The following SH3BGRL variants were observed in gnomAD, a reference collection of about 807,000 sequenced individuals.
SH3BGRL encodes the protein SH3 domain binding glutamate rich protein like, also known as adapter SH3BGRL.
A neutral mutation model predicts 9.8 loss-of-function variants in SH3BGRL; 7 were observed. That is an observed-to-expected ratio of 0.72 (90% CI 0.41 to 1.35). The LOEUF is 1.35. SH3BGRL is among the 40% of genes most tolerant of loss of function. The pLI, the probability that SH3BGRL is intolerant of heterozygous loss-of-function variation, is 0.01. For synonymous variants in SH3BGRL, 36 were observed against 29.1 expected (o/e 1.24, Z -0.76); for missense variants, 73 against 84.4 (o/e 0.86, Z 0.53).
intron 1 of SH3BGRL, among the ~76,000 whole-genome samples, chrX:81,205,035 T>C (rs2075542183): frequency 8.9e-6 from 1 of 112,363 alleles, no homozygotes; most frequent in African/African-American, 3.2e-5. Flanking sequence ...AATTAGGATA[T>C]CCGTTACCGC....
rs2075880206 is a variant in SH3BGRL, at chrX:81,297,710, A to G, written c.*483A>G. On this transcript the variant is annotated 3_prime_UTR_variant, in exon 4 of 4. Transcript: ENST00000373212. ...AGTTCTTGCAGGTAATGTTTATGAT[A>G]TGTTAAACGTTGTAATTTCCTATCG... is the stretch of plus-strand genomic sequence containing the variant. 8.9e-6 allele frequency: 1 copy of G among 112,316 alleles called. No homozygotes were observed. The highest frequency in any genetic ancestry group is 3.6e-4 in the South Asian group (1 of 2,745). 9.3% of individuals were successfully genotyped at this position (112,316 alleles called of 1,213,427 possible). A position where few individuals can be genotyped will look rare whatever the true frequency, so the allele number is the denominator to read the frequency against.
chrX:81,245,522 C>T (rs781502968), intron 1 of SH3BGRL, among the ~76,000 whole-genome samples: 7 of 111,919 alleles, frequency 6.3e-5, no homozygotes, highest in African/African-American at 9.7e-5. Context: ...GGTAACTGTG[C>T]GAGTAGAAAA....
At chrX:81,221,445 T>A (rs1156693397) in intron 1 of SH3BGRL, among the ~76,000 whole-genome samples, 1 of 111,978 alleles carries the variant, frequency 8.9e-6, no homozygotes, top group Non-Finnish European at 1.9e-5. Flanking sequence ...GCCAACTGTA[T>A]GGCAAAAAGT....
At chrX:81,289,153 G>A (rs1258765514) in intron 3 of SH3BGRL, among the ~76,000 whole-genome samples, 1 of 112,094 alleles carries the variant, frequency 8.9e-6, no homozygotes, top group South Asian at 3.7e-4. Flanking sequence ...TTTGACAAAG[G>A]TGCCAAGAAC....
chrX:81,226,490 T>TTA lies in SH3BGRL; in HGVS notation c.45+24261_45+24262dup, dbSNP rs752937645. Reference sequence around the variant, plus strand: ...GTCTTCAGTGTAGTCTTGGATATATTTATATATATATATATATCTATATAT... The same window carrying TTA: ...GTCTTCAGTGTAGTCTTGGATATATTTATATATATATATATATATCTATATAT... On this transcript the variant is annotated intron_variant, in intron 1 of 3. Coordinates refer to ENST00000373212, the MANE Select transcript of SH3BGRL (RefSeq NM_003022.3). Among the ~76,000 whole-genome samples the TTA allele has an allele frequency of 3.9e-3, 393 of 101,326 alleles. 5 individuals are homozygous for TTA. The East Asian group carries it at 0.042, about 11-fold the overall frequency. The allele number at this position is 101,326 out of a possible 115,157, so 88.0% of individuals were successfully genotyped here.
intron 3 of SH3BGRL, among the ~76,000 whole-genome samples, chrX:81,285,002 C>A (rs2075829886): frequency 9.0e-6 from 1 of 110,611 alleles, no homozygotes; most frequent in South Asian, 3.8e-4. Flanking sequence ...ACTGGGTTAA[C>A]AAGAATAGGT....
intron 1 of SH3BGRL, among the ~76,000 whole-genome samples, chrX:81,248,186 T>C: frequency 9.0e-6 from 1 of 111,545 alleles, no homozygotes; most frequent in Middle Eastern, 4.6e-3. Flanking sequence ...CTTATTTGAA[T>C]CTTATGTCTT....
intron 1 of SH3BGRL, among the ~76,000 whole-genome samples, chrX:81,274,721 GA>G (rs951000842): frequency 2.3e-4 from 25 of 107,630 alleles, no homozygotes; most frequent in Middle Eastern, 4.8e-3. Context: ...CCCTATCTTG[GA>G]AAAAAAAAAT....
At chrX:81,237,765 A>C (rs1245831606) in intron 1 of SH3BGRL, among the ~76,000 whole-genome samples, 1 of 108,389 alleles carries the variant, frequency 9.2e-6, no homozygotes, top group African/African-American at 3.4e-5. Flanking sequence ...GGGTTGGCTA[A>C]GGGAATGCTG....
At chrX:81,281,584 A>C (rs1398027608) in intron 3 of SH3BGRL, among the ~76,000 whole-genome samples, 1 of 112,389 alleles carries the variant, frequency 8.9e-6, no homozygotes, top group African/African-American at 3.2e-5. Flanking sequence ...TCATATATGA[A>C]GGAAAGATTC....
At chrX:81,256,928 A>G (rs1445412994) in intron 1 of SH3BGRL, among the ~76,000 whole-genome samples, 2 of 111,651 alleles carry the variant, frequency 1.8e-5, no homozygotes, top group Non-Finnish European at 3.8e-5. Flanking sequence ...TCTGTCATTC[A>G]TTAGTTTTAA....
At chrX:81,245,149 A>G (rs1345713939) in intron 1 of SH3BGRL, among the ~76,000 whole-genome samples, 1 of 112,022 alleles carries the variant, frequency 8.9e-6, no homozygotes, top group Non-Finnish European at 1.9e-5. Context: ...AGATCTTGTC[A>G]GTATTCTTGT....
chrX:81,221,260 G>A (rs1173012923), intron 1 of SH3BGRL, among the ~76,000 whole-genome samples: 2 of 111,412 alleles, frequency 1.8e-5, no homozygotes, highest in Non-Finnish European at 3.8e-5. Context: ...TATTTCTTTA[G>A]CTCTAATAAT....
intron 1 of SH3BGRL, among the ~76,000 whole-genome samples, chrX:81,268,582 C>T (rs1049101410): frequency 9.0e-6 from 1 of 111,622 alleles, no homozygotes; most frequent in Non-Finnish European, 1.9e-5. Flanking sequence ...GTCTGAGAGG[C>T]AGTTTGTTGT....
chrX:81,213,586 A>G (rs1336934402), intron 1 of SH3BGRL, among the ~76,000 whole-genome samples: 1 of 110,967 alleles, frequency 9.0e-6, no homozygotes, highest in Non-Finnish European at 1.9e-5. Flanking sequence ...GGCAAGGGGT[A>G]TATTGTTACA....
chrX:81,246,945 A>T (rs1179150499), intron 1 of SH3BGRL, among the ~76,000 whole-genome samples: 1 of 112,245 alleles, frequency 8.9e-6, no homozygotes, highest in African/African-American at 3.2e-5. Flanking sequence ...TCATTAGCAT[A>T]TAAAGTTTTT....
intron 1 of SH3BGRL, among the ~76,000 whole-genome samples, chrX:81,236,635 A>G (rs1426440705): frequency 3.6e-5 from 4 of 111,765 alleles, no homozygotes; most frequent in Admixed American, 2.9e-4. Context: ...TCAAGTAGCT[A>G]TATATAACTA....
chrX:81,261,529 CAT>C (rs1206691972), intron 1 of SH3BGRL, among the ~76,000 whole-genome samples: 1 of 111,130 alleles, frequency 9.0e-6, no homozygotes, highest in Non-Finnish European at 1.9e-5. Flanking sequence ...GAGCCCATAA[CAT>C]ATGTGCGGTC....
intron 1 of SH3BGRL, among the ~76,000 whole-genome samples, chrX:81,263,513 C>A (rs762468655): frequency 8.9e-6 from 1 of 111,850 alleles, no homozygotes; most frequent in Admixed American, 9.5e-5. Flanking sequence ...AAAGTACAGC[C>A]ATGCCCACTT....
Sources: allele counts gnomAD v4.1 joint callset (sites outside exome capture counted in the v4.1 genomes callset), GRCh38; gene constraint gnomAD v4.1.1; transcripts MANE v1.5; gene names NCBI Gene and HGNC (gene_info 2026-07-23, HGNC 2026-07-21).